Variants in PHACTR2 observed in about 807,000 individuals in gnomAD.
PHACTR2 encodes the protein phosphatase and actin regulator 2, also known as chromosome 6 open reading frame 56.
A neutral mutation model predicts 76.0 loss-of-function variants in PHACTR2; 30 were observed. The observed-to-expected ratio is 0.39, with a 90% confidence interval of 0.30 to 0.54. The LOEUF is 0.54. PHACTR2 is among the 20% of genes least tolerant of loss of function. PHACTR2 has a pLI of 0.61. For synonymous variants in PHACTR2, 292 were observed against 292.5 expected (o/e 1.00, Z 0.02); for missense variants, 696 against 781.1 (o/e 0.89, Z 1.30).
rs192486122 is a variant in PHACTR2 at position 143,811,065 on chromosome 6, G to A, written c.1922+3932G>A. On this transcript the variant is annotated intron_variant, in intron 12 of 12. Transcript: ENST00000440869. The surrounding 1 kb of genome is among the most constrained non-coding windows in gnomAD (Gnocchi z 4.1). ...CTTCATTGTTTTGTGTCTTATGGACGGAGGCCAAGAGTATAAAACTATTAT... is the reference window on the plus strand; with the variant it reads ...CTTCATTGTTTTGTGTCTTATGGACAGAGGCCAAGAGTATAAAACTATTAT... 4.7e-4 allele frequency among the ~76,000 whole-genome samples: 72 copies of A among 152,214 alleles called. No individual in the cohort carries two copies. Among genetic ancestry groups the A allele is most frequent in the Admixed American group, 9.2e-4 (14 of 15,288 alleles).
At chr6:143,634,478 T>G (rs910256508) in intron 1 of PHACTR2, among the ~76,000 whole-genome samples, 8 of 152,240 alleles carry the variant, frequency 5.3e-5, no homozygotes, top group African/African-American at 1.7e-4. Flanking sequence ...CAGAGGTTAT[T>G]GAAGAAGAGG....
chr6:143,645,323 A>G (rs1776641331), intron 1 of PHACTR2, among the ~76,000 whole-genome samples: 1 of 152,016 alleles, frequency 6.6e-6, no homozygotes, highest in South Asian at 2.1e-4. Context: ...TATATAGATG[A>G]TGGAATACTA....
Position 143,599,076 on chromosome 6 carries a change from T to C in PHACTR2, c.217+61869T>C, listed in dbSNP as rs914448853. On this transcript the variant is annotated intron_variant, in intron 1 of 11. Transcript: ENST00000367584. The surrounding 1 kb of genome is among the most constrained non-coding windows in gnomAD (Gnocchi z 4.6). ...AGGCATTTATTGATGACCCTCTGGG[T>C]ACTCAGCGCTTTGCTCTAGGTGTCC... Among the ~76,000 whole-genome samples, 1 of 152,204 alleles carries C rather than the reference T, an allele frequency of 6.6e-6. No individual in the cohort carries two copies. The highest frequency in any genetic ancestry group is 1.5e-5 in the Non-Finnish European group (1 of 68,036).
At position 143,822,975 on chromosome 6, in the gene PHACTR2, A is replaced by G. The variant is rs1283973689; in HGVS notation, c.1923-699A>G. On this transcript the variant is annotated intron_variant, in intron 12 of 12. Coordinates refer to ENST00000440869, the MANE Select transcript of PHACTR2 (RefSeq NM_001100164.2). This position sits in a 1 kb window ranked among gnomAD's most constrained non-coding sequence, Gnocchi z 5.5. ...CAAAAGATGGAACTTTAATGATTCC[A>G]AGACAGGCAGTTGAGGCAGGACTTG... is the stretch of plus-strand genomic sequence containing the variant. Among the ~76,000 whole-genome samples the G allele has an allele frequency of 1.3e-5, 2 of 152,258 alleles. No homozygotes were observed. The highest frequency in any genetic ancestry group is 2.9e-5 in the Non-Finnish European group (2 of 68,046).
chr6:143,771,156 A>ATATGTATATATATATGTG (rs1187035666), intron 6 of PHACTR2, among the ~76,000 whole-genome samples: 1 of 40,148 alleles, frequency 2.5e-5, no homozygotes, highest in Non-Finnish European at 4.1e-5. Flanking sequence ...ATATATATAT[A>ATATGTATATATATATGTG]TGTATATATA....
At position 143,659,023 on chromosome 6, in the gene PHACTR2, C is replaced by CA. The variant is rs34900068; in HGVS notation, c.13+50716dup. ...TGGGCAACAAAGCAAGATTCTGTCT[C>CA]AAAAAAAAAAAAAAAGATAAAAAAT... On this transcript the variant is annotated intron_variant, in intron 1 of 11. Transcript: ENST00000305766. This position sits in a 1 kb window ranked among gnomAD's most constrained non-coding sequence, Gnocchi z 5.0. Among the ~76,000 whole-genome samples the CA allele has an allele frequency of 0.021, 2,806 of 133,728 alleles. 36 individuals carry two copies. The highest frequency in any genetic ancestry group is 0.027 in the Non-Finnish European group (1,693 of 62,052). The allele number at this position is 133,728 out of a possible 152,430, so 87.7% of individuals were successfully genotyped here.
rs180894363 is a variant in PHACTR2, at chr6:143,710,221, A to G, written c.47-1795A>G. Among the ~76,000 whole-genome samples the G allele has an allele frequency of 6.6e-6, 1 of 152,260 alleles. No homozygotes were observed. The highest frequency in any genetic ancestry group is 2.4e-5 in the African/African-American group (1 of 41,536). ...TTCGAGGTTTCTTACTTCTTCAGCT[A>G]CGAGTCTGGGATATTTGAGGCAAAA... On this transcript the variant is annotated intron_variant, in intron 1 of 12. Coordinates refer to ENST00000440869, the MANE Select transcript of PHACTR2 (RefSeq NM_001100164.2). This position sits in a 1 kb window ranked among gnomAD's most constrained non-coding sequence, Gnocchi z 4.9.
chr6:143,810,615 A>G (rs1300548153), intron 12 of PHACTR2: 2 of 445,180 alleles, frequency 4.5e-6, no homozygotes, highest in Admixed American at 4.8e-5. Context: ...AGGATTGCTT[A>G]GCCCAGGAGT....
chr6:143,712,152 G>A lies in PHACTR2; in HGVS notation c.183G>A (p.Lys61=), dbSNP rs1387422490. 5 of 1,550,884 alleles carry A rather than the reference G, an allele frequency of 3.2e-6. No individual in the cohort carries two copies. The highest frequency in any genetic ancestry group is 4.3e-6 in the Non-Finnish European group (5 of 1,153,654). ...AGCCTTGGAAATGGAGGAAAAAGAA[G>A]ACCAGCGACAAATTTAGAGAAACCT... ...IFKPWKWRKK[K]TSDKFRETSA... Residue 61 remains lysine, a synonymous_variant, in exon 2 of 13, where the codon AAG becomes AAA. Transcript: ENST00000440869.
intron 1 of PHACTR2, among the ~76,000 whole-genome samples, chr6:143,586,962 CAG>C (rs1206905221): frequency 2.0e-5 from 3 of 152,172 alleles, no homozygotes; most frequent in Non-Finnish European, 4.4e-5. Flanking sequence ...ACTTACCTCT[CAG>C]TAACATGAAA....
rs1775623003 is a variant in PHACTR2, at chr6:143,789,239, TAGAA to T, written c.1845+332_1845+335del. 5.6e-6 allele frequency: 1 copy of T among 178,302 alleles called. No individual in the cohort carries two copies. Among genetic ancestry groups the T allele is most frequent in the African/African-American group, 2.3e-5 (1 of 42,644 alleles). The allele number at this position is 178,302 out of a possible 1,614,324, so 11.0% of individuals were successfully genotyped here. On this transcript the variant is annotated intron_variant, in intron 11 of 12. Transcript: ENST00000440869. The surrounding 1 kb of genome is among the most constrained non-coding windows in gnomAD (Gnocchi z 5.1). ...TTATCATTTTAAAGGGATATGTTAA[TAGAA>T]AGGTTTAATCTTCGTCGAGACTGGC...
chr6:143,693,477 A>G (rs1777697228), intron 1 of PHACTR2, among the ~76,000 whole-genome samples: 1 of 152,202 alleles, frequency 6.6e-6, no homozygotes. Flanking sequence ...ACCTCAGGTG[A>G]TCCACCTGCC....
At chr6:143,758,548 A>G (rs761083947) in intron 4 of PHACTR2, among the ~76,000 whole-genome samples, 26 of 152,232 alleles carry the variant, frequency 1.7e-4, no homozygotes, top group Non-Finnish European at 3.2e-4. Context: ...TTTGTGATTT[A>G]CTTGCCTGGT....
chr6:143,689,470 G>A lies in PHACTR2; in HGVS notation c.46+11261G>A, dbSNP rs1310277677. ...GAAAGTTCAGGGGCATCTAAGAAAT[G>A]TGGAGTTGTTTAAACTGATTCTTTA... On this transcript the variant is annotated intron_variant, in intron 1 of 12. Transcript: ENST00000440869. This position sits in a 1 kb window ranked among gnomAD's most constrained non-coding sequence, Gnocchi z 4.4. Among the ~76,000 whole-genome samples the A allele has an allele frequency of 6.6e-6, 1 of 152,192 alleles. No homozygotes were observed. The highest frequency in any genetic ancestry group is 1.5e-5 in the Non-Finnish European group (1 of 68,032).
At chr6:143,790,749 C>G (rs1775663218) in intron 11 of PHACTR2, among the ~76,000 whole-genome samples, 1 of 151,394 alleles carries the variant, frequency 6.6e-6, no homozygotes, top group East Asian at 1.9e-4. Context: ...TCTCAGCTCA[C>G]TGCAAGCTCC....
At chr6:143,766,402 C>T (rs1353608502) in intron 6 of PHACTR2, among the ~76,000 whole-genome samples, 7 of 152,190 alleles carry the variant, frequency 4.6e-5, no homozygotes, top group African/African-American at 1.7e-4. Context: ...TCTGTGTGCC[C>T]AGCAACCACT....
Position 143,816,289 on chromosome 6 carries a change from C to T in PHACTR2, c.1923-7385C>T, listed in dbSNP as rs896716231. Among the ~76,000 whole-genome samples the T allele has an allele frequency of 3.3e-5, 5 of 151,976 alleles. No homozygotes were observed. Among genetic ancestry groups the T allele is most frequent in the African/African-American group, 9.7e-5 (4 of 41,342 alleles). Reference sequence around the variant, plus strand: ...CTACCTTAAAATGAATGCAAACTACCGAGAAATAGCAAAATACCGAGAAAT... The same window carrying T: ...CTACCTTAAAATGAATGCAAACTACTGAGAAATAGCAAAATACCGAGAAAT... On this transcript the variant is annotated intron_variant, in intron 12 of 12. Coordinates refer to ENST00000440869, the MANE Select transcript of PHACTR2 (RefSeq NM_001100164.2). The surrounding 1 kb of genome is among the most constrained non-coding windows in gnomAD (Gnocchi z 4.5).
rs1486064154 is a variant in PHACTR2 at position 143,541,323 on chromosome 6, G to A, written c.217+4116G>A. Among the ~76,000 whole-genome samples the A allele has an allele frequency of 3.3e-5, 5 of 152,176 alleles. No individual in the cohort carries two copies. The highest frequency in any genetic ancestry group is 3.3e-4 in the Admixed American group (5 of 15,270). On this transcript the variant is annotated intron_variant, in intron 1 of 11. Coordinates refer to the PHACTR2 transcript ENST00000367584. The surrounding 1 kb of genome is among the most constrained non-coding windows in gnomAD (Gnocchi z 5.3). ...AGAACCTGAAGACACACAGCCAGGG[G>A]CATAGACCATGTAAAGATTCAGCAA...
At chr6:143,758,841 T>G (rs534276954) in intron 4 of PHACTR2, among the ~76,000 whole-genome samples, 1 of 152,298 alleles carries the variant, frequency 6.6e-6, no homozygotes, top group East Asian at 1.9e-4. Flanking sequence ...CTATGCTAAT[T>G]ATATATGTGG....
Sources: allele counts gnomAD v4.1 joint callset (sites outside exome capture counted in the v4.1 genomes callset), GRCh38; gene constraint gnomAD v4.1.1; non-coding constraint Gnocchi (gnomAD v3.1); transcripts MANE v1.5; gene names NCBI Gene and HGNC (gene_info 2026-07-23, HGNC 2026-07-21).